Variants in STK39 observed in about 807,000 individuals in gnomAD.
The protein encoded by STK39 is serine/threonine kinase 39, also known as STE20/SPS1-related proline-alanine-rich protein kinase.
In STK39, 20 loss-of-function variants were observed where a neutral mutation model predicts 77.8. That is an observed-to-expected ratio of 0.26 (90% CI 0.18 to 0.37). The LOEUF (loss-of-function observed/expected upper bound fraction) is 0.37. STK39 is among the 10% of genes least tolerant of loss of function. STK39 has a pLI of 1.00. For synonymous variants in STK39, 246 were observed against 234.1 expected (o/e 1.05, Z -0.47); for missense variants, 479 against 656.5 (o/e 0.73, Z 2.95).
At chr2:168,177,435 G>A (rs927497955) in intron 2 of STK39, among the ~76,000 whole-genome samples, 2 of 151,934 alleles carry the variant, frequency 1.3e-5, no homozygotes, top group African/African-American at 4.8e-5. Flanking sequence ...GAGGCAATAG[G>A]AAAAAATTGA....
chr2:168,091,912 A>G (rs1417508345), intron 10 of STK39, among the ~76,000 whole-genome samples: 1 of 152,220 alleles, frequency 6.6e-6, no homozygotes, highest in Admixed American at 6.5e-5. Flanking sequence ...CATGATCACA[A>G]TATCATTTTC....
intron 2 of STK39, among the ~76,000 whole-genome samples, chr2:168,180,438 A>AT (rs59011586): frequency 0.16 from 23,756 of 151,290 alleles, 2,195 homozygotes; most frequent in African/African-American, 0.25. Context: ...CACACTCCAA[A>AT]TTTTTTTTTT....
At chr2:168,152,233 C>T (rs993795840) in intron 5 of STK39, among the ~76,000 whole-genome samples, 1 of 152,212 alleles carries the variant, frequency 6.6e-6, no homozygotes, top group Admixed American at 6.5e-5. Context: ...ATCCATTCTT[C>T]CCTGGATCCC....
At chr2:168,023,025 CT>C (rs1684607621) in intron 14 of STK39, among the ~76,000 whole-genome samples, 1 of 152,230 alleles carries the variant, frequency 6.6e-6, no homozygotes, top group Non-Finnish European at 1.5e-5. Context: ...AGCAATCCTC[CT>C]TCCTCAGCCT....
chr2:168,052,682 G>GAT (rs1685428270), intron 14 of STK39, among the ~76,000 whole-genome samples: 1 of 152,218 alleles, frequency 6.6e-6, no homozygotes, highest in African/African-American at 2.4e-5. Flanking sequence ...AGAGCATAAA[G>GAT]GTGATCTCTC....
At chr2:168,124,282 C>T (rs1315147322) in intron 10 of STK39, among the ~76,000 whole-genome samples, 1 of 152,172 alleles carries the variant, frequency 6.6e-6, no homozygotes, top group East Asian at 1.9e-4. Context: ...CTGCCTATTA[C>T]ATGTTTCCTC....
At chr2:167,990,683 C>T (rs1283222751) in intron 16 of STK39, among the ~76,000 whole-genome samples, 2 of 152,136 alleles carry the variant, frequency 1.3e-5, no homozygotes, top group East Asian at 1.9e-4. Flanking sequence ...TAAAACCCAA[C>T]AGGAAAAAGA....
intron 1 of STK39, among the ~76,000 whole-genome samples, chr2:168,206,658 A>G (rs1473104239): frequency 2.6e-5 from 4 of 152,338 alleles, no homozygotes; most frequent in African/African-American, 4.8e-5. Flanking sequence ...ATCCCTAAAT[A>G]TAAAATGGGA....
intron 14 of STK39, among the ~76,000 whole-genome samples, chr2:168,034,592 A>G (rs531866018): frequency 1.6e-4 from 25 of 152,258 alleles, no homozygotes; most frequent in African/African-American, 5.3e-4. Context: ...GATGTTACAC[A>G]CTCTCCAGCA....
At chr2:168,210,640 C>T (rs922187413) in intron 1 of STK39, among the ~76,000 whole-genome samples, 18 of 152,198 alleles carry the variant, frequency 1.2e-4, no homozygotes, top group Admixed American at 3.9e-4. Context: ...CTGCCTCAGC[C>T]TCCCTAGGAA....
rs150389842 is a variant in STK39 at position 168,058,607 on chromosome 2, C to T, written c.1376+4893G>A. The stretch of plus-strand genomic sequence containing the variant: ...ATGTGCAAAACTGAGTTCTTTATTC[C>T]ATCCCAACCTGCAACTCAAACTCTC... On this transcript the variant is annotated intron_variant, in intron 14 of 17. Coordinates refer to ENST00000355999, the MANE Select transcript of STK39 (RefSeq NM_013233.3). Among the ~76,000 whole-genome samples, 387 of 152,312 alleles carry T rather than the reference C, an allele frequency of 2.5e-3. 2 individuals are homozygous for T. The highest frequency in any genetic ancestry group is 8.1e-3 in the African/African-American group (337 of 41,572).
intron 15 of STK39, 75 bp downstream of exon 15, chr2:168,016,968 T>G (rs1326110494): frequency 1.5e-5 from 19 of 1,230,690 alleles, no homozygotes; most frequent in Admixed American, 2.0e-5. Context: ...AATAGCAGAT[T>G]ATAACCACAT....
chr2:168,134,579 T>G (rs1687784406), intron 8 of STK39, among the ~76,000 whole-genome samples: 1 of 151,754 alleles, frequency 6.6e-6, no homozygotes. Context: ...GTCTACAAGA[T>G]TAAGGCTCTT....
chr2:168,074,882 C>T, intron 12 of STK39, 100 bp downstream of exon 12: 8 of 1,384,844 alleles, frequency 5.8e-6, no homozygotes, highest in Non-Finnish European at 7.8e-6. Context: ...TTTCTTTCTA[C>T]TCCATGAGAT....
chr2:168,212,895 C>T (rs189581837), intron 1 of STK39, among the ~76,000 whole-genome samples: 2 of 152,300 alleles, frequency 1.3e-5, no homozygotes, highest in Admixed American at 1.3e-4. Flanking sequence ...TTTATACATA[C>T]ATCCTTGAAA....
intron 2 of STK39, among the ~76,000 whole-genome samples, chr2:168,181,026 A>T (rs1287805135): frequency 6.6e-6 from 1 of 152,206 alleles, no homozygotes; most frequent in African/African-American, 2.4e-5. Context: ...TAAAGACAAA[A>T]AGCTGTTGTT....
chr2:168,033,707 G>C lies in STK39; in HGVS notation c.1377-16612C>G, dbSNP rs568053415. On this transcript the variant is annotated intron_variant, in intron 14 of 17. Coordinates refer to ENST00000355999, the MANE Select transcript of STK39 (RefSeq NM_013233.3). ...ATCCTTTCATCAAGAGGAGTCAAAG[G>C]AGAGCACAAAGTACTTGGTTGCTTA... Among the ~76,000 whole-genome samples, 3 of 152,252 alleles carry C rather than the reference G, an allele frequency of 2.0e-5. No homozygotes were observed. In the East Asian group the frequency reaches 5.8e-4, roughly 29 times the overall value.
intron 16 of STK39, among the ~76,000 whole-genome samples, chr2:167,986,701 G>A (rs1442115160): frequency 6.6e-6 from 1 of 152,120 alleles, no homozygotes; most frequent in Non-Finnish European, 1.5e-5. Context: ...AACACTTCTG[G>A]TAAGAAAACA....
chr2:168,132,133 T>C (rs1464579120), intron 8 of STK39, among the ~76,000 whole-genome samples: 2 of 152,222 alleles, frequency 1.3e-5, no homozygotes, highest in African/African-American at 4.8e-5. Context: ...CAAAATGTCA[T>C]GTTTGGGAAC....
Sources: allele counts gnomAD v4.1 joint callset (sites outside exome capture counted in the v4.1 genomes callset), GRCh38; gene constraint gnomAD v4.1.1; transcripts MANE v1.5; gene names NCBI Gene and HGNC (gene_info 2026-07-23, HGNC 2026-07-21).